CD33: variants seen among roughly 807,000 people sequenced by gnomAD.
The protein encoded by CD33 is CD33 molecule, also known as myeloid cell surface antigen CD33.
In CD33, 25 loss-of-function variants were observed where a neutral mutation model predicts 31.4. The ratio of observed to expected loss-of-function variants is 0.80; its 90% CI spans 0.58 to 1.11. The LOEUF is 1.11. Ranked by LOEUF, CD33 falls within the 50% of genes most tolerant of loss-of-function variation. CD33 has a pLI of 0.00. For synonymous variants in CD33, 176 were observed against 180.6 expected, an observed-to-expected ratio of 0.97 and a Z score of 0.20; for missense variants, 407 against 448.1, an observed-to-expected ratio of 0.91 and a Z score of 0.83.
At chr19:51,225,757 C>G in intron 2 of CD33, 46 bp from the exon 3 acceptor site, 1 of 1,588,458 alleles carries the variant, frequency 6.3e-7, no homozygotes, top group Non-Finnish European at 8.6e-7. Context: ...AGGCCCTCAC[C>G]TGGACCCTCC....
chr19:51,233,525 G>A (rs1182336730), intron 4 of CD33, among the ~76,000 whole-genome samples: 1 of 152,200 alleles, frequency 6.6e-6, no homozygotes, highest in African/African-American at 2.4e-5. Context: ...CCCAGAGGAG[G>A]GTGCACTCCA....
In CD33 at chr19:51,239,667, C is replaced by T. The variant is rs1245583408; in HGVS notation, c.1074C>T (p.Tyr358=). The change falls in exon 7 of 7, where the codon TAC becomes TAT. Residue 358 remains tyrosine, a synonymous_variant. Coordinates refer to ENST00000262262, the MANE Select transcript of CD33 (RefSeq NM_001772.4). ...MNPSKDTSTE[Y]SEVRTQ is the part of the protein sequence containing the mutation. ...CTTCCAAGGACACCTCCACCGAATA[C>T]TCAGAGGTCAGGACCCAGTGAGGAA... 1 of 1,612,446 alleles carries T rather than the reference C, an allele frequency of 6.2e-7. No individual in the cohort carries two copies. Among genetic ancestry groups the T allele is most frequent in the Non-Finnish European group, 8.5e-7 (1 of 1,179,472 alleles).
the CD33 span, among the ~76,000 whole-genome samples, chr19:51,212,456 C>T: frequency 1.3e-5 from 2 of 152,018 alleles, no homozygotes; most frequent in African/African-American, 4.8e-5. Flanking sequence ...TGATCTGACA[C>T]CCTTTTGTGG....
At chr19:51,216,512 C>T in the CD33 span, among the ~76,000 whole-genome samples, 15 of 151,944 alleles carry the variant, frequency 9.9e-5, no homozygotes, top group Middle Eastern at 0.01. Context: ...AGTTCGAGAC[C>T]GGCCTGACCA....
Position 51,239,692 on chromosome 19 carries a change from A to T in CD33, c.*4A>T. On this transcript the variant is annotated 3_prime_UTR_variant, in exon 7 of 7. Transcript: ENST00000262262. ...CTCAGAGGTCAGGACCCAGTGAGGA[A>T]CCCACAAGAGCATCAGGCTCAGCTA... 6.2e-7 allele frequency: 1 copy of T among 1,605,792 alleles called. No individual in the cohort carries two copies. Among genetic ancestry groups the T allele is most frequent in the Non-Finnish European group, 8.5e-7 (1 of 1,176,526 alleles).
In CD33 at chr19:51,239,829, C is replaced by G; in HGVS notation, c.*141C>G. The G allele has an allele frequency of 1.8e-6, 1 of 546,816 alleles. No individual in the cohort carries two copies. The highest frequency in any genetic ancestry group is 3.1e-6 in the Non-Finnish European group (1 of 325,720). The allele number at this position is 546,816 out of a possible 1,614,324, so 33.9% of individuals were successfully genotyped here. A position where few individuals can be genotyped will look rare whatever the true frequency, so the allele number is the denominator to read the frequency against. On this transcript the variant is annotated 3_prime_UTR_variant, in exon 7 of 7. Coordinates refer to ENST00000262262, the MANE Select transcript of CD33 (RefSeq NM_001772.4). ...TGTGAGTTTCCTGCTATATTAACATCATCTTAGACTTTGCAAGCAGAGAGT... is the reference window on the plus strand; with the variant it reads ...TGTGAGTTTCCTGCTATATTAACATGATCTTAGACTTTGCAAGCAGAGAGT...
chr19:51,224,646 T>C (rs2123169374), upstream of CD33, among the ~76,000 whole-genome samples: 1 of 152,288 alleles, frequency 6.6e-6, no homozygotes, highest in Non-Finnish European at 1.5e-5. Context: ...TCTTTGTTTC[T>C]CTGCCCCAGA....
intron 4 of CD33, among the ~76,000 whole-genome samples, chr19:51,232,936 G>T (rs974641741): frequency 6.6e-6 from 1 of 152,206 alleles, no homozygotes; most frequent in African/African-American, 2.4e-5. Context: ...TTTTTGCCAG[G>T]AGTAGCACTC....
Position 51,231,149 on chromosome 19 carries a change from T to G in CD33, c.746-4008T>G, listed in dbSNP as rs535187711. On this transcript the variant is annotated intron_variant, in intron 4 of 6. Coordinates refer to ENST00000262262, the MANE Select transcript of CD33 (RefSeq NM_001772.4). The stretch of plus-strand genomic sequence containing the variant: ...AGCATATGCTAAACCGTCACAGCTA[T>G]GCTTGATGCACCGCTACCTTTCTAC... Among the ~76,000 whole-genome samples, 25 of 152,380 alleles carry G rather than the reference T, an allele frequency of 1.6e-4. No homozygotes were observed. In the South Asian group the frequency reaches 5.0e-3, roughly 30 times the overall value.
chr19:51,216,221 CGAGTGTGTGT>C, the CD33 span, among the ~76,000 whole-genome samples: 803 of 140,562 alleles, frequency 5.7e-3, 6 homozygotes, highest in Admixed American at 8.5e-3. Flanking sequence ...AAATGTCACC[CGAGTGTGTGT>C]GTGTGTGTGT....
At chr19:51,234,800 G>A (rs1981661604) in intron 4 of CD33, among the ~76,000 whole-genome samples, 1 of 152,152 alleles carries the variant, frequency 6.6e-6, no homozygotes, top group Non-Finnish European at 1.5e-5. Context: ...AAGAGACAAG[G>A]CCTATCAGCA....
the CD33 span, among the ~76,000 whole-genome samples, chr19:51,213,419 G>A: frequency 1.3e-5 from 2 of 151,898 alleles, no homozygotes; most frequent in Non-Finnish European, 2.9e-5. Context: ...GTTGTCCACA[G>A]TGTCAGCACC....
At chr19:51,235,336 G>A (rs1161560290) in intron 5 of CD33, 83 bp downstream of exon 5, 1 of 1,398,340 alleles carries the variant, frequency 7.2e-7, no homozygotes, top group Non-Finnish European at 1.0e-6. Flanking sequence ...GGGCTGTGAG[G>A]GCTGGAGAAA....
chr19:51,224,172 AG>A (rs1980825680), upstream of CD33, among the ~76,000 whole-genome samples: 6 of 150,932 alleles, frequency 4.0e-5, no homozygotes, highest in African/African-American at 9.8e-5. Context: ...AGAGTTTATC[AG>A]AGACTTGGAC....
chr19:51,230,176 C>CG (rs1555741352), intron 4 of CD33, among the ~76,000 whole-genome samples: 10 of 152,178 alleles, frequency 6.6e-5, no homozygotes, highest in Non-Finnish European at 1.0e-4. Flanking sequence ...GTATAGTTTG[C>CG]ATGTTTCCCT....
At chr19:51,220,044 T>C in the CD33 span, among the ~76,000 whole-genome samples, 1 of 152,218 alleles carries the variant, frequency 6.6e-6, no homozygotes, top group Non-Finnish European at 1.5e-5. Context: ...CTTCATAGAA[T>C]GAGTCAGAGA....
the CD33 span, among the ~76,000 whole-genome samples, chr19:51,217,227 G>T: frequency 6.6e-6 from 1 of 152,268 alleles, no homozygotes; most frequent in Non-Finnish European, 1.5e-5. Flanking sequence ...GAACCAGACA[G>T]GCAGGGTTGG....
At chr19:51,226,251 G>T in intron 3 of CD33, 58 bp from the exon 4 acceptor site, 1 of 1,548,702 alleles carries the variant, frequency 6.5e-7, no homozygotes. Flanking sequence ...AAGGGGAAAT[G>T]CCTACCCTTA....
In CD33 at chr19:51,225,908, C is replaced by T. The variant is rs772255900; in HGVS notation, c.524C>T (p.Pro175Leu). ...VSWACEQGTP[P>L]IFSWLSAAPT... ...TGGGCCTGTGAGCAGGGAACACCCC[C>T]GATCTTCTCCTGGTTGTCAGCTGCC... Residue 175 changes from proline (P) to leucine (L), a missense_variant, in exon 3 of 7, where the codon CCG (proline) becomes CTG (leucine). Transcript: ENST00000262262. 7.4e-6 allele frequency: 12 copies of T among 1,613,944 alleles called. No individual in the cohort carries two copies. Among genetic ancestry groups the T allele is most frequent in the African/African-American group, 2.7e-5 (2 of 74,890 alleles).
Sources: allele counts gnomAD v4.1 joint callset (sites outside exome capture counted in the v4.1 genomes callset), GRCh38; gene constraint gnomAD v4.1.1; transcripts MANE v1.5; gene names NCBI Gene and HGNC (gene_info 2026-07-23, HGNC 2026-07-21).